ZNF385B: variants seen among roughly 807,000 people sequenced by gnomAD.
ZNF385B encodes zinc finger protein 385B.
Under a neutral mutation model 39.2 loss-of-function variants are expected in ZNF385B, and 23 were observed. The ratio of observed to expected loss-of-function variants is 0.59; its 90% CI spans 0.42 to 0.83. The LOEUF (loss-of-function observed/expected upper bound fraction) is 0.83, where lower values mean the gene tolerates loss of function less well. Among genes scored for constraint, ZNF385B ranks in the 40% least tolerant of loss-of-function variants. The pLI, the probability that ZNF385B is intolerant of heterozygous loss-of-function variation, is 0.00. For missense variants in ZNF385B, 552 were observed against 598.9 expected (o/e 0.92, Z 0.82); for synonymous variants, 205 against 222.6 (o/e 0.92, Z 0.70).
At chr2:179,809,448 C>A (rs1421605203) in intron 1 of ZNF385B, among the ~76,000 whole-genome samples, 1 of 152,074 alleles carries the variant, frequency 6.6e-6, no homozygotes, top group Non-Finnish European at 1.5e-5. Context: ...ATTAACATGG[C>A]AATCTAAATT....
At chr2:179,711,457 C>T (rs921187186) in intron 3 of ZNF385B, among the ~76,000 whole-genome samples, 3 of 152,084 alleles carry the variant, frequency 2.0e-5, no homozygotes, top group African/African-American at 2.4e-5. Context: ...GAGGTCCATT[C>T]GAGGGTATGC....
chr2:179,622,525 T>A (rs997203529), intron 3 of ZNF385B, among the ~76,000 whole-genome samples: 2 of 152,190 alleles, frequency 1.3e-5, no homozygotes, highest in Admixed American at 1.3e-4. Flanking sequence ...TAGGCTAGAA[T>A]GGCTTGGGAG....
At chr2:179,751,474 T>A (rs191534423) in intron 3 of ZNF385B, among the ~76,000 whole-genome samples, 75 of 152,288 alleles carry the variant, frequency 4.9e-4, no homozygotes, top group Non-Finnish European at 9.1e-4. Context: ...GAGGATAAAT[T>A]TAACATTTTA....
rs183973908 is a variant in ZNF385B at position 179,452,606 on chromosome 2, A to T, written c.716-5836T>A. On this transcript the variant is annotated intron_variant, in intron 6 of 9. Transcript: ENST00000410066. ...ATCAAATTTTTATTATTTGACTTGTAAGATTTGCTTTTGAGTTTAATTTTA... is the reference window on the plus strand; with the variant it reads ...ATCAAATTTTTATTATTTGACTTGTTAGATTTGCTTTTGAGTTTAATTTTA... Among the ~76,000 whole-genome samples, 202 of 152,250 alleles carry T rather than the reference A, an allele frequency of 1.3e-3. 1 individual carries two copies. Among genetic ancestry groups the T allele is most frequent in the South Asian group, 3.9e-3 (19 of 4,824 alleles).
At chr2:179,661,563 T>C (rs534451872) in intron 3 of ZNF385B, among the ~76,000 whole-genome samples, 2 of 152,350 alleles carry the variant, frequency 1.3e-5, no homozygotes, top group South Asian at 2.1e-4. Flanking sequence ...TACCAGGTGA[T>C]GCTGGTATTA....
intron 5 of ZNF385B, among the ~76,000 whole-genome samples, chr2:179,491,843 T>C (rs1324453614): frequency 6.6e-6 from 1 of 151,960 alleles, no homozygotes; most frequent in African/African-American, 2.4e-5. Context: ...GGAGTACAGG[T>C]ACATGCCACC....
chr2:179,852,397 A>G (rs1684249421), intron 1 of ZNF385B, among the ~76,000 whole-genome samples: 1 of 152,176 alleles, frequency 6.6e-6, no homozygotes, highest in South Asian at 2.1e-4. Context: ...TGAGTCATGG[A>G]GGCAAAGGTG....
At chr2:179,610,303 G>T (rs1689183636) in intron 3 of ZNF385B, among the ~76,000 whole-genome samples, 1 of 152,048 alleles carries the variant, frequency 6.6e-6, no homozygotes, top group Non-Finnish European at 1.5e-5. Flanking sequence ...ACAATTTATT[G>T]AAGAGATTAT....
At chr2:179,659,047 G>C (rs1694146928) in intron 3 of ZNF385B, among the ~76,000 whole-genome samples, 1 of 152,154 alleles carries the variant, frequency 6.6e-6, no homozygotes, top group African/African-American at 2.4e-5. Context: ...CAAGTGCTGG[G>C]ATTGCAGGCG....
rs149787645 is a variant in ZNF385B at position 179,740,515 on chromosome 2, G to A, written c.298+28988C>T. 7.1e-3 allele frequency among the ~76,000 whole-genome samples: 1,080 copies of A among 152,232 alleles called. 8 individuals carry two copies. Among genetic ancestry groups the A allele is most frequent in the Non-Finnish European group, 0.012 (808 of 68,020 alleles). On this transcript the variant is annotated intron_variant, in intron 3 of 9. Coordinates refer to ENST00000410066, the MANE Select transcript of ZNF385B (RefSeq NM_152520.6). ...AAAGAAATAGAATTCTTCAAATTAG[G>A]AACTTTAACTTACCTTTCAGCACCT...
At chr2:179,551,086 T>A (rs900484351) in intron 3 of ZNF385B, among the ~76,000 whole-genome samples, 1 of 152,064 alleles carries the variant, frequency 6.6e-6, no homozygotes, top group African/African-American at 2.4e-5. Context: ...ACACCTCCTA[T>A]TTGTAGTTCT....
intron 3 of ZNF385B, among the ~76,000 whole-genome samples, chr2:179,759,733 T>C (rs1288526515): frequency 6.6e-6 from 1 of 152,202 alleles, no homozygotes; most frequent in African/African-American, 2.4e-5. Flanking sequence ...ACGTTACATG[T>C]AGATCTGTCA....
chr2:179,778,016 C>T (rs895707537), intron 1 of ZNF385B, among the ~76,000 whole-genome samples: 5 of 152,012 alleles, frequency 3.3e-5, no homozygotes, highest in Non-Finnish European at 7.4e-5. Flanking sequence ...AGTGATCTGC[C>T]CACCTCAGCC....
chr2:179,506,363 A>G (rs2057255251), intron 5 of ZNF385B, among the ~76,000 whole-genome samples: 1 of 151,598 alleles, frequency 6.6e-6, no homozygotes, highest in African/African-American at 2.4e-5. Context: ...GTAAATATAA[A>G]TTGTAGCTCA....
chr2:179,802,566 G>A (rs931564863), intron 1 of ZNF385B: 20 of 152,082 alleles, frequency 1.3e-4, no homozygotes, highest in African/African-American at 4.6e-4. Context: ...GGGAAGATTT[G>A]CGTTGCTCTA....
chr2:179,624,150 A>G (rs951850789), intron 3 of ZNF385B, among the ~76,000 whole-genome samples: 8 of 152,162 alleles, frequency 5.3e-5, no homozygotes, highest in Non-Finnish European at 1.0e-4. Flanking sequence ...AACATTTATC[A>G]GGTCTTTCCT....
chr2:179,507,958 C>T (rs2057375821), intron 5 of ZNF385B, among the ~76,000 whole-genome samples: 1 of 152,142 alleles, frequency 6.6e-6, no homozygotes, highest in Non-Finnish European at 1.5e-5. Flanking sequence ...TCATGGCTTC[C>T]AGGGCAAAAT....
At chr2:179,456,622 T>G (rs1161072219) in intron 6 of ZNF385B, among the ~76,000 whole-genome samples, 2 of 152,204 alleles carry the variant, frequency 1.3e-5, no homozygotes, top group Non-Finnish European at 2.9e-5. Context: ...TAATGTTAAG[T>G]TGGTTGAACC....
intron 3 of ZNF385B, among the ~76,000 whole-genome samples, chr2:179,588,680 C>G (rs1160834945): frequency 6.6e-6 from 1 of 152,118 alleles, no homozygotes; most frequent in East Asian, 1.9e-4. Context: ...CCCGGACTGC[C>G]ATAATTTGCT....
Sources: gnomAD v4.1 joint callset for allele counts (sites outside exome capture counted in the v4.1 genomes callset) on GRCh38, gnomAD v4.1.1 for gene constraint, MANE v1.5 for transcripts, NCBI Gene and HGNC (gene_info 2026-07-23, HGNC 2026-07-21) for gene names.